Variants in RUVBL1 observed in about 807,000 individuals in gnomAD.
RUVBL1 encodes RuvB like AAA ATPase 1.
In RUVBL1, 4 loss-of-function variants were observed where a neutral mutation model predicts 52.4. The ratio of observed to expected loss-of-function variants is 0.08; its 90% CI spans 0.04 to 0.17. The LOEUF (loss-of-function observed/expected upper bound fraction) is 0.17, where lower values mean the gene tolerates loss of function less well. Among genes scored for constraint, RUVBL1 ranks in the 10% least tolerant of loss-of-function variants. The pLI is 1.00. For synonymous variants in RUVBL1, 217 were observed against 214.4 expected, an observed-to-expected ratio of 1.01 and a Z score of -0.10; for missense variants, 298 against 572.8, an observed-to-expected ratio of 0.52 and a Z score of 4.90.
At chr3:128,107,963 A>G (rs1346073056) in intron 3 of RUVBL1, among the ~76,000 whole-genome samples, 1 of 152,194 alleles carries the variant, frequency 6.6e-6, no homozygotes, top group Non-Finnish European at 1.5e-5. Context: ...TAGCCCCCAC[A>G]TTTGTTTAGA....
intron 8 of RUVBL1, among the ~76,000 whole-genome samples, chr3:128,088,151 A>T (rs1214746769): frequency 9.2e-5 from 14 of 151,878 alleles, no homozygotes; most frequent in Admixed American, 8.5e-4. Flanking sequence ...AATCCCAGCT[A>T]CTCAGGAGGC....
chr3:128,144,664 A>G (rs561549125), intron 1 of RUVBL1, among the ~76,000 whole-genome samples: 1 of 152,178 alleles, frequency 6.6e-6, no homozygotes, highest in Non-Finnish European at 1.5e-5. Flanking sequence ...CTTGCTCTCC[A>G]GGCATCCTCA....
At chr3:128,149,185 CTTTCT>C (rs1276174065) in intron 1 of RUVBL1, among the ~76,000 whole-genome samples, 12 of 139,394 alleles carry the variant, frequency 8.6e-5, no homozygotes, top group African/African-American at 1.6e-4. Flanking sequence ...CTCTTTCTTT[CTTTCT>C]TTTTTTTTTT....
At chr3:128,086,074 G>A (rs962992646) in intron 9 of RUVBL1, among the ~76,000 whole-genome samples, 4 of 152,160 alleles carry the variant, frequency 2.6e-5, no homozygotes, top group African/African-American at 9.7e-5. Context: ...ACAGCTCACT[G>A]CAGCCTCGAC....
At chr3:128,104,687 TG>T in intron 4 of RUVBL1, 85 bp downstream of exon 4, 2 of 1,212,448 alleles carry the variant, frequency 1.6e-6, no homozygotes, top group Non-Finnish European at 2.3e-6. Flanking sequence ...GTCAGGAAAC[TG>T]GGATGCAGAG....
intron 1 of RUVBL1, among the ~76,000 whole-genome samples, chr3:128,150,892 CTA>C (rs1236167399): frequency 3.5e-4 from 20 of 57,882 alleles, no homozygotes; most frequent in African/African-American, 8.1e-4. Flanking sequence ...TATATATATT[CTA>C]TATATATAAT....
Position 128,080,967 on chromosome 3 carries a change from C to G in RUVBL1, c.*283G>C. ...ATGACTCTGTACATCTAAAACTGTT[C>G]TGAAAAGTTTATTTTTAAAAAACTT... On this transcript the variant is annotated 3_prime_UTR_variant, in exon 11 of 11. Transcript: ENST00000322623. 1 of 365,866 alleles carries G rather than the reference C, an allele frequency of 2.7e-6. No homozygotes were observed. The highest frequency in any genetic ancestry group is 5.0e-6 in the Non-Finnish European group (1 of 201,870). 22.7% of individuals were successfully genotyped at this position (365,866 alleles called of 1,614,324 possible). A position where few individuals can be genotyped will look rare whatever the true frequency, so the allele number is the denominator to read the frequency against.
At chr3:128,100,532 C>A in intron 6 of RUVBL1, 63 bp downstream of exon 6, 2 of 1,509,548 alleles carry the variant, frequency 1.3e-6, no homozygotes, top group Non-Finnish European at 8.9e-7. Flanking sequence ...CAATTCATTC[C>A]CAGATCTCCA....
At chr3:128,101,684 T>C in intron 4 of RUVBL1, 36 bp from the exon 5 acceptor site, 1 of 1,595,416 alleles carries the variant, frequency 6.3e-7, no homozygotes, top group Admixed American at 1.7e-5. Context: ...GTGTAATACA[T>C]ATTCCATTTC....
chr3:128,139,016 T>C (rs1369689455), intron 1 of RUVBL1, among the ~76,000 whole-genome samples: 2 of 152,114 alleles, frequency 1.3e-5, no homozygotes, highest in African/African-American at 2.4e-5. Context: ...ACTAGACCCC[T>C]ATCTCTCTCC....
intron 7 of RUVBL1, 70 bp from the exon 8 acceptor site, chr3:128,097,568 AC>A: frequency 7.2e-7 from 1 of 1,386,992 alleles, no homozygotes; most frequent in Non-Finnish European, 1.0e-6. Context: ...TTTCTCCTCC[AC>A]CTGAATTCAA....
intron 9 of RUVBL1, among the ~76,000 whole-genome samples, chr3:128,074,151 T>C (rs1247818833): frequency 6.6e-6 from 1 of 152,140 alleles, no homozygotes; most frequent in Non-Finnish European, 1.5e-5. Context: ...CAAAGACTTG[T>C]ACAAGAATGT....
At chr3:128,107,080 T>C (rs1943258725) in intron 3 of RUVBL1, among the ~76,000 whole-genome samples, 1 of 152,210 alleles carries the variant, frequency 6.6e-6, no homozygotes, top group African/African-American at 2.4e-5. Context: ...AAGTAAATAA[T>C]ACCAGTGGGA....
intron 4 of RUVBL1, among the ~76,000 whole-genome samples, chr3:128,103,279 A>G (rs1397416426): frequency 6.6e-6 from 1 of 152,198 alleles, no homozygotes. Flanking sequence ...AAGCATTTTT[A>G]TATCGGTTAA....
At chr3:128,065,872 G>C (rs1941961340) in intron 9 of RUVBL1, among the ~76,000 whole-genome samples, 1 of 151,192 alleles carries the variant, frequency 6.6e-6, no homozygotes, top group Non-Finnish European at 1.5e-5. Context: ...CTCCCGAGTA[G>C]ATGGGATTAC....
chr3:128,132,980 T>C (rs935955761), intron 1 of RUVBL1, among the ~76,000 whole-genome samples: 1 of 152,188 alleles, frequency 6.6e-6, no homozygotes, highest in Non-Finnish European at 1.5e-5. Flanking sequence ...GTGACATTTT[T>C]GGACTTGCCT....
Position 128,097,434 on chromosome 3 carries a change from C to T in RUVBL1, c.882G>A (p.Leu294=). 1 of 1,614,190 alleles carries T rather than the reference C, an allele frequency of 6.2e-7. No individual in the cohort carries two copies. The highest frequency in any genetic ancestry group is 8.5e-7 in the Non-Finnish European group (1 of 1,180,028). ...NKYIDQGIAE[L]VPGVLFVDEV... ...CATCAACAAACAGCACACCCGGGAC[C>T]AGCTCAGCAATGCCCTGGTCGATGT... Residue 294 remains leucine (L), a synonymous_variant, in exon 8 of 11, where the codon CTG becomes CTA. Coordinates refer to ENST00000322623, the MANE Select transcript of RUVBL1 (RefSeq NM_003707.3).
chr3:128,082,774 A>G lies in RUVBL1; in HGVS notation c.1120-200T>C. ...CAGGAGGCATGTGCGGCCCTGCAGTATGCATGAATAGCATCACGGCCAGTG... is the reference window on the plus strand; with the variant it reads ...CAGGAGGCATGTGCGGCCCTGCAGTGTGCATGAATAGCATCACGGCCAGTG... On this transcript the variant is annotated intron_variant, in intron 9 of 10. Coordinates refer to ENST00000322623, the MANE Select transcript of RUVBL1 (RefSeq NM_003707.3). The surrounding 1 kb of genome is among the most constrained non-coding windows in gnomAD (Gnocchi z 4.7). The G allele has an allele frequency of 1.9e-6, 1 of 516,360 alleles. No homozygotes were observed. The highest frequency in any genetic ancestry group is 3.5e-6 in the Non-Finnish European group (1 of 286,364). The allele number at this position is 516,360 out of a possible 1,614,324, so 32.0% of individuals were successfully genotyped here. A position where few individuals can be genotyped will look rare whatever the true frequency, so the allele number is the denominator to read the frequency against.
chr3:128,098,753 C>T (rs1030622063), intron 7 of RUVBL1, 129 bp downstream of exon 7: 11 of 776,618 alleles, frequency 1.4e-5, no homozygotes, highest in Admixed American at 2.0e-5. Flanking sequence ...AAGCTCTAAG[C>T]TATGAGGAAG....
Sources: gnomAD v4.1 joint callset for allele counts (sites outside exome capture counted in the v4.1 genomes callset) on GRCh38, gnomAD v4.1.1 for gene constraint, Gnocchi (gnomAD v3.1) non-coding constraint, MANE v1.5 for transcripts, NCBI Gene and HGNC (gene_info 2026-07-23, HGNC 2026-07-21) for gene names.